The following AFG1L variants were observed in gnomAD, a reference collection of about 807,000 sequenced individuals.
AFG1L encodes AFG1 like ATPase.
AFG1L carries 53 observed loss-of-function variants against 62.2 expected under a neutral mutation model. The ratio of observed to expected loss-of-function variants is 0.85; its 90% CI spans 0.68 to 1.07. AFG1L has a LOEUF of 1.07. Ranked by LOEUF, AFG1L falls within the 50% of genes least tolerant of loss-of-function variation. The probability of loss-of-function intolerance (pLI) is 0.00; values close to 1 mark genes in which losing one functional copy is unlikely to be tolerated. For synonymous variants in AFG1L, 228 were observed against 210.3 expected (o/e 1.08, Z -0.73); for missense variants, 555 against 590.5 (o/e 0.94, Z 0.62).
At chr6:108,377,607 G>A (rs1427527972) in intron 6 of AFG1L, among the ~76,000 whole-genome samples, 1 of 152,124 alleles carries the variant, frequency 6.6e-6, no homozygotes, top group African/African-American at 2.4e-5. Flanking sequence ...TCTGCTGACA[G>A]GTCCACTGTT....
chr6:108,327,117 A>G (rs1159844982), intron 2 of AFG1L, among the ~76,000 whole-genome samples: 1 of 152,196 alleles, frequency 6.6e-6, no homozygotes, highest in Non-Finnish European at 1.5e-5. Context: ...CAAAAAATGA[A>G]TGAAAGTAAT....
chr6:108,432,829 T>C (rs1771134738), intron 7 of AFG1L, among the ~76,000 whole-genome samples: 1 of 152,212 alleles, frequency 6.6e-6, no homozygotes, highest in Non-Finnish European at 1.5e-5. Flanking sequence ...GGCCTGGATG[T>C]TGGCACTTTC....
intron 7 of AFG1L, among the ~76,000 whole-genome samples, chr6:108,410,846 A>C (rs923835743): frequency 6.6e-6 from 1 of 152,206 alleles, no homozygotes; most frequent in East Asian, 1.9e-4. Flanking sequence ...GATCCAGTCT[A>C]CAGCTCCCAG....
intron 8 of AFG1L, among the ~76,000 whole-genome samples, chr6:108,457,854 A>T (rs1262252971): frequency 6.6e-6 from 1 of 152,062 alleles, no homozygotes; most frequent in Non-Finnish European, 1.5e-5. Context: ...TGGCTAGAGA[A>T]TTCTAGGCTG....
At chr6:108,335,455 GCCTA>G (rs1778441415) in intron 2 of AFG1L, among the ~76,000 whole-genome samples, 1 of 152,144 alleles carries the variant, frequency 6.6e-6, no homozygotes, top group African/African-American at 2.4e-5. Context: ...TCCATTGTGT[GCCTA>G]TATCCACGTA....
At chr6:108,330,684 G>A (rs1485579349) in intron 2 of AFG1L, among the ~76,000 whole-genome samples, 1 of 152,102 alleles carries the variant, frequency 6.6e-6, no homozygotes, top group Non-Finnish European at 1.5e-5. Context: ...AAGAACTTAA[G>A]TTGTTTATTA....
At chr6:108,339,057 T>A (rs1200450154) in intron 2 of AFG1L, among the ~76,000 whole-genome samples, 1 of 152,232 alleles carries the variant, frequency 6.6e-6, no homozygotes, top group Non-Finnish European at 1.5e-5. Context: ...CCTCTTGTAT[T>A]GTGAATGAGA....
chr6:108,505,274 A>C (rs1774361976), intron 10 of AFG1L, among the ~76,000 whole-genome samples: 1 of 152,002 alleles, frequency 6.6e-6, no homozygotes, highest in African/African-American at 2.4e-5. Flanking sequence ...TTGTATTTTT[A>C]GTAGAGATGG....
chr6:108,401,343 C>G (rs532807977), intron 6 of AFG1L, among the ~76,000 whole-genome samples: 27 of 151,786 alleles, frequency 1.8e-4, no homozygotes, highest in Non-Finnish European at 3.2e-4. Flanking sequence ...GGGGTTTCAC[C>G]TTGTTAGCCA....
intron 3 of AFG1L, among the ~76,000 whole-genome samples, chr6:108,348,154 C>T (rs745637083): frequency 2.0e-5 from 3 of 152,188 alleles, no homozygotes; most frequent in Non-Finnish European, 2.9e-5. Flanking sequence ...TCTCGGCTCA[C>T]TGCAAGCTCC....
intron 7 of AFG1L, among the ~76,000 whole-genome samples, chr6:108,415,428 G>C (rs1770204872): frequency 1.3e-5 from 2 of 152,084 alleles, no homozygotes; most frequent in Admixed American, 1.3e-4. Context: ...CTACTTTAAA[G>C]TTCATATGGA....
intron 2 of AFG1L, among the ~76,000 whole-genome samples, chr6:108,330,048 C>G (rs1439562402): frequency 2.0e-5 from 3 of 152,158 alleles, no homozygotes; most frequent in African/African-American, 7.2e-5. Context: ...GCTCAGCCCC[C>G]TCGCCATGTG....
At chr6:108,411,344 G>A (rs189906453) in intron 7 of AFG1L, among the ~76,000 whole-genome samples, 2 of 152,332 alleles carry the variant, frequency 1.3e-5, no homozygotes, top group Non-Finnish European at 2.9e-5. Flanking sequence ...GCAGGGCATA[G>A]CTGAATAAAA....
chr6:108,415,231 T>C (rs957034827), intron 7 of AFG1L, among the ~76,000 whole-genome samples: 1 of 152,172 alleles, frequency 6.6e-6, no homozygotes, highest in Non-Finnish European at 1.5e-5. Flanking sequence ...GAAGGACCTC[T>C]TCAAGGAGAA....
intron 10 of AFG1L, among the ~76,000 whole-genome samples, chr6:108,497,630 AT>A (rs1441970834): frequency 6.6e-6 from 1 of 152,104 alleles, no homozygotes; most frequent in Non-Finnish European, 1.5e-5. Context: ...CATAAGTTTT[AT>A]TTCTGGAAAT....
intron 8 of AFG1L, among the ~76,000 whole-genome samples, chr6:108,456,219 A>G (rs533652618): frequency 6.6e-6 from 1 of 152,226 alleles, no homozygotes; most frequent in East Asian, 1.9e-4. Flanking sequence ...TCCTTCTACT[A>G]TGCTTAATAT....
At chr6:108,453,108 G>T (rs2114763881) in intron 8 of AFG1L, among the ~76,000 whole-genome samples, 1 of 152,254 alleles carries the variant, frequency 6.6e-6, no homozygotes, top group African/African-American at 2.4e-5. Context: ...GTTTCAGTTG[G>T]CTTCTGTCCA....
chr6:108,323,967 A>G lies in AFG1L; in HGVS notation c.282A>G (p.Gln94=), dbSNP rs756186860. The change falls in exon 2 of 13, where the codon CAA becomes CAG. Residue 94 remains glutamine (Q), a synonymous_variant. Coordinates refer to ENST00000368977, the MANE Select transcript of AFG1L (RefSeq NM_145315.5). The part of the protein sequence containing the change: ...KAHELKDDEH[Q]RRVIQCLQKL... ...ATGAGCTAAAGGATGATGAACATCA[A>G]AGAAGAGTCATACAGTGTTTGCAGA... 6.2e-7 allele frequency: 1 copy of G among 1,614,192 alleles called. No individual in the cohort carries two copies. Among genetic ancestry groups the G allele is most frequent in the South Asian group, 1.1e-5 (1 of 91,084 alleles).
chr6:108,441,017 C>T (rs189148345), intron 7 of AFG1L, among the ~76,000 whole-genome samples: 70 of 152,198 alleles, frequency 4.6e-4, no homozygotes, highest in African/African-American at 1.3e-3. Context: ...ATTTTTTCCT[C>T]ATGTTCCAAA....
Sources: allele counts gnomAD v4.1 joint callset (sites outside exome capture counted in the v4.1 genomes callset), GRCh38; gene constraint gnomAD v4.1.1; transcripts MANE v1.5; gene names NCBI Gene and HGNC (gene_info 2026-07-23, HGNC 2026-07-21).